ZIM2: variants seen among roughly 807,000 people sequenced by gnomAD.
ZIM2 encodes zinc finger protein 656.
Under a neutral mutation model 38.6 loss-of-function variants are expected in ZIM2, and 14 were observed. The observed-to-expected ratio is 0.36, with a 90% confidence interval of 0.24 to 0.57. The LOEUF is 0.57. Among genes scored for constraint, ZIM2 ranks in the 20% least tolerant of loss-of-function variants. The pLI is 0.81. For missense variants in ZIM2, 680 were observed against 695.1 expected (o/e 0.98, Z 0.24); for synonymous variants, 247 against 245.8 (o/e 1.00, Z -0.04).
intron 9 of ZIM2, chr19:56,811,374 TATAA>T (rs1272691805): frequency 2.3e-6 from 2 of 879,342 alleles, no homozygotes; most frequent in Non-Finnish European, 2.7e-6. Context: ...ATAACTGTAG[TATAA>T]ATATACTTTC....
intron 9 of ZIM2, among the ~76,000 whole-genome samples, chr19:56,803,193 T>C (rs184666150): frequency 1.1e-4 from 17 of 152,330 alleles, no homozygotes; most frequent in East Asian, 1.9e-4. Context: ...GTAATGCTTA[T>C]TGATGACCCC....
chr19:56,795,142 C>T (rs960094259), intron 9 of ZIM2, among the ~76,000 whole-genome samples: 2 of 152,098 alleles, frequency 1.3e-5, no homozygotes, highest in Non-Finnish European at 2.9e-5. Flanking sequence ...GCAACCCCTG[C>T]CTCCTGGGCT....
rs140665118 is a variant in ZIM2, at chr19:56,780,689, C to A, written c.740-1217G>T. On this transcript the variant is annotated intron_variant, in intron 11 of 12. Coordinates refer to ENST00000629319, the MANE Select transcript of ZIM2 (RefSeq NM_001387356.1). ...TTGAGTGCTAGCTAGCTTCTGTTGC[C>A]TATCTAACATTCAGGGTTTGATGTC... Among the ~76,000 whole-genome samples the A allele has an allele frequency of 4.0e-3, 613 of 152,260 alleles. 3 individuals are homozygous for A. The highest frequency in any genetic ancestry group is 0.014 in the African/African-American group (588 of 41,548).
In ZIM2 at chr19:56,824,017, T is replaced by C. The variant is rs148962249; in HGVS notation, c.16+245A>G. Among the ~76,000 whole-genome samples, 519 of 152,260 alleles carry C rather than the reference T, an allele frequency of 3.4e-3. 5 individuals carry two copies. The Middle Eastern group carries it at 0.071, about 21-fold the overall frequency. On this transcript the variant is annotated intron_variant, in intron 4 of 12. Coordinates refer to ENST00000629319, the MANE Select transcript of ZIM2 (RefSeq NM_001387356.1). ...CTCCTTTCCCTCTCCTGACTCAGGA[T>C]GGTGGTTCTGCACTAGGGAGGTTTT...
At position 56,811,060 on chromosome 19, in the gene ZIM2, A is replaced by G. The variant is rs561621956; in HGVS notation, c.490+6686T>C. ...GTGCACAGAAACAAGAATGAACAAG[A>G]TAAGAGGAGAGTATATGTCTTTGGA... On this transcript the variant is annotated intron_variant, in intron 9 of 12. Coordinates refer to ENST00000629319, the MANE Select transcript of ZIM2 (RefSeq NM_001387356.1). 1.4e-4 allele frequency: 141 copies of G among 976,828 alleles called. No individual in the cohort carries two copies. The South Asian group carries it at 2.9e-3, about 20-fold the overall frequency. The allele number at this position is 976,828 out of a possible 1,614,324, so 60.5% of individuals were successfully genotyped here.
chr19:56,774,654 G>A lies in ZIM2; in HGVS notation c.*34C>T, dbSNP rs754985655. 8.8e-6 allele frequency: 14 copies of A among 1,595,746 alleles called. No homozygotes were observed. Among genetic ancestry groups the A allele is most frequent in the Non-Finnish European group, 3.4e-6 (4 of 1,169,898 alleles). On this transcript the variant is annotated 3_prime_UTR_variant, in exon 13 of 13. Transcript: ENST00000629319. ...AACACTCTAGGAGGAAGCCAATAAT[G>A]TTGAGAAAAGTGTGTGCTGTGACTA... is the stretch of plus-strand genomic sequence containing the variant.
At chr19:56,788,301 T>C (rs968438953) in intron 10 of ZIM2, among the ~76,000 whole-genome samples, 5 of 152,202 alleles carry the variant, frequency 3.3e-5, no homozygotes, top group East Asian at 3.8e-4. Context: ...TTCTGGTACG[T>C]TGTGTCTTTG....
At chr19:56,822,115 G>A (rs1033026559) in intron 6 of ZIM2, among the ~76,000 whole-genome samples, 2 of 152,144 alleles carry the variant, frequency 1.3e-5, no homozygotes, top group African/African-American at 2.4e-5. Flanking sequence ...ATCAGAGACC[G>A]TCCCACAGGG....
rs1434551104 is a variant in ZIM2, at chr19:56,814,678, T to A, written c.490+3068A>T. On this transcript the variant is annotated intron_variant, in intron 9 of 12. Transcript: ENST00000629319. This position sits in a 1 kb window ranked among gnomAD's most constrained non-coding sequence, Gnocchi z 5.8. ...GATAGCTTCCTCAGCCATCTGGCTC[T>A]GCTCCAGTAAATCATCTTCCCTATG... 1.2e-6 allele frequency: 2 copies of A among 1,614,136 alleles called. No homozygotes were observed. Among genetic ancestry groups the A allele is most frequent in the South Asian group, 2.2e-5 (2 of 91,084 alleles).
intron 9 of ZIM2, chr19:56,811,737 T>C: frequency 1.0e-6 from 1 of 985,586 alleles, no homozygotes; most frequent in East Asian, 1.1e-4. Context: ...CGTTCCAACC[T>C]CAGTCCTTCC....
At position 56,824,508 on chromosome 19, in the gene ZIM2, G is replaced by C; in HGVS notation, c.-150-81C>G. 1.2e-6 allele frequency: 2 copies of C among 1,614,096 alleles called. No individual in the cohort carries two copies. The highest frequency in any genetic ancestry group is 1.7e-6 in the Non-Finnish European group (2 of 1,180,030). ...ACAAATTCCACATAGATTAGGTTCC[G>C]AAACCTCTGATGAAAAAACTCAGAG... is the stretch of plus-strand genomic sequence containing the variant. On this transcript the variant is annotated intron_variant, in intron 3 of 12. Coordinates refer to ENST00000629319, the MANE Select transcript of ZIM2 (RefSeq NM_001387356.1).
chr19:56,835,663 C>G (rs955221827), intron 2 of ZIM2, among the ~76,000 whole-genome samples: 1 of 152,244 alleles, frequency 6.6e-6, no homozygotes, highest in South Asian at 2.1e-4. Context: ...TTCCTTTCCC[C>G]CATTGGGGCT....
At chr19:56,808,996 G>A (rs1258796155) in intron 9 of ZIM2, among the ~76,000 whole-genome samples, 2 of 152,202 alleles carry the variant, frequency 1.3e-5, no homozygotes, top group African/African-American at 4.8e-5. Context: ...AAGTCTAACA[G>A]AATAAGCATA....
intron 10 of ZIM2, among the ~76,000 whole-genome samples, chr19:56,783,190 A>C (rs888990418): frequency 6.6e-6 from 1 of 152,242 alleles, no homozygotes; most frequent in African/African-American, 2.4e-5. Flanking sequence ...TAACAGTAGA[A>C]GAGATAAATA....
intron 9 of ZIM2, among the ~76,000 whole-genome samples, chr19:56,792,390 G>C (rs370392287): frequency 7.3e-5 from 11 of 151,494 alleles, no homozygotes; most frequent in African/African-American, 2.4e-4. Flanking sequence ...AATTAGCCAG[G>C]CGTGGTGGTG....
At position 56,818,709 on chromosome 19, in the gene ZIM2, C is replaced by T; in HGVS notation, c.295-7G>A. The T allele has an allele frequency of 6.2e-7, 1 of 1,614,086 alleles. No individual in the cohort carries two copies. The highest frequency in any genetic ancestry group is 2.2e-5 in the East Asian group (1 of 44,882). ...TTTGGTATGATTCAGCATCCTAAAA[C>T]AGCAAACACAGACCTCTCAATGGAG... On this transcript the variant is annotated splice_polypyrimidine_tract_variant and splice_region_variant and intron_variant, in intron 7 of 12. Coordinates refer to ENST00000629319, the MANE Select transcript of ZIM2 (RefSeq NM_001387356.1).
chr19:56,815,294 GGTTT>G (rs1568625060), intron 9 of ZIM2: 1 of 1,614,206 alleles, frequency 6.2e-7, no homozygotes, highest in Admixed American at 1.7e-5. Flanking sequence ...TAGATTTTCT[GGTTT>G]GTGTTGAGGT....
At chr19:56,813,342 A>G in intron 9 of ZIM2, 1 of 1,069,956 alleles carries the variant, frequency 9.3e-7, no homozygotes, top group East Asian at 6.0e-5. Context: ...GAAACACTAT[A>G]TATACGTTAC....
At chr19:56,828,593 C>T (rs1226480845) in intron 2 of ZIM2, among the ~76,000 whole-genome samples, 1 of 152,094 alleles carries the variant, frequency 6.6e-6, no homozygotes, top group Non-Finnish European at 1.5e-5. Context: ...AAAGATGGGT[C>T]CAACTTTTCT....
Sources: allele counts gnomAD v4.1 joint callset (sites outside exome capture counted in the v4.1 genomes callset), GRCh38; gene constraint gnomAD v4.1.1; non-coding constraint Gnocchi (gnomAD v3.1); transcripts MANE v1.5; gene names NCBI Gene and HGNC (gene_info 2026-07-23, HGNC 2026-07-21).